Variants in AQP1 observed in about 807,000 individuals in gnomAD.
AQP1 encodes the protein aquaporin 1 (Colton blood group), also known as aquaporin-1.
Under a neutral mutation model 19.7 loss-of-function variants are expected in AQP1, and 11 were observed. The ratio of observed to expected loss-of-function variants is 0.56; its 90% CI spans 0.35 to 0.92. The LOEUF (loss-of-function observed/expected upper bound fraction) is 0.92, where lower values mean the gene tolerates loss of function less well. Among genes scored for constraint, AQP1 ranks in the 40% least tolerant of loss-of-function variants. The pLI is 0.01. For synonymous variants in AQP1, 159 were observed against 166.7 expected (o/e 0.95, Z 0.36); for missense variants, 320 against 369.7 (o/e 0.87, Z 1.10).
At chr7:30,919,066 G>A (rs967474985) in intron 1 of AQP1, among the ~76,000 whole-genome samples, 5 of 152,158 alleles carry the variant, frequency 3.3e-5, no homozygotes, top group African/African-American at 2.4e-5. Flanking sequence ...CCCTGGGTCC[G>A]GAGAGCATCT....
intron 1 of AQP1, chr7:30,921,215 G>T: frequency 9.5e-7 from 1 of 1,057,164 alleles, no homozygotes; most frequent in Non-Finnish European, 1.2e-6. Flanking sequence ...CCTGGGGAGG[G>T]GTCCTCCGGG....
Position 30,912,017 on chromosome 7 carries a change from A to G in AQP1, c.108A>G (p.Lys36=), listed in dbSNP as rs1791177703. Residue 36 remains lysine, a synonymous_variant, in exon 1 of 4, where the codon AAA becomes AAG. Transcript: ENST00000311813. This position sits in a 1 kb window ranked among gnomAD's most constrained non-coding sequence, Gnocchi z 4.3. ...FISIGSALGF[K]YPVGNNQTAV... ...GCATCGGTTCTGCCCTGGGCTTCAA[A>G]TACCCGGTGGGGAACAACCAGACGG... is the stretch of plus-strand genomic sequence containing the variant. The G allele has an allele frequency of 1.9e-6, 3 of 1,613,448 alleles. No homozygotes were observed. The highest frequency in any genetic ancestry group is 1.3e-5 in the African/African-American group (1 of 74,934).
chr7:30,922,191 T>A lies in AQP1; in HGVS notation c.510T>A (p.Leu170=). 6.2e-6 allele frequency: 10 copies of A among 1,610,134 alleles called. No homozygotes were observed. The highest frequency in any genetic ancestry group is 7.6e-6 in the Non-Finnish European group (9 of 1,179,206). ...GTGACCTTGGTGGCTCAGCCCCCCT[T>A]GCCATCGGCCTCTCTGTAGCCCTTG... ...RRRDLGGSAP[L]AIGLSVALGH... The change falls in exon 2 of 4, where the codon CTT becomes CTA. Residue 170 remains leucine, a synonymous_variant. Transcript: ENST00000311813.
intron 1 of AQP1, 36 bp from the exon 2 acceptor site, chr7:30,922,030 C>G: frequency 6.2e-7 from 1 of 1,612,396 alleles, no homozygotes; most frequent in Non-Finnish European, 8.5e-7. Context: ...CCTGCCTACC[C>G]TCCTCACCAG....
Position 30,923,539 on chromosome 7 carries a change from C to T in AQP1, c.720C>T (p.Asp240=), listed in dbSNP as rs931917879. 1 of 1,614,168 alleles carries T rather than the reference C, an allele frequency of 6.2e-7. No individual in the cohort carries two copies. The highest frequency in any genetic ancestry group is 1.3e-5 in the African/African-American group (1 of 75,052). ...ILAPRSSDLT[D]RVKVWTSGQV... ...CCCCACGCAGCAGTGACCTCACAGACCGCGTGAAGGTGTGGACCAGCGGCC... is the reference window on the plus strand; with the variant it reads ...CCCCACGCAGCAGTGACCTCACAGATCGCGTGAAGGTGTGGACCAGCGGCC... The change falls in exon 4 of 4, where the codon GAC becomes GAT. Residue 240 remains aspartate, a synonymous_variant. Coordinates refer to ENST00000311813, the MANE Select transcript of AQP1 (RefSeq NM_198098.4). The surrounding 1 kb of genome is among the most constrained non-coding windows in gnomAD (Gnocchi z 4.8).
chr7:30,917,202 G>A (rs1584383801), intron 1 of AQP1, among the ~76,000 whole-genome samples: 2 of 152,308 alleles, frequency 1.3e-5, no homozygotes, highest in East Asian at 1.9e-4. Context: ...GTACACACAT[G>A]GCACAAACAC....
rs149637560 is a variant in AQP1 at position 30,923,561 on chromosome 7, G to A, written c.742G>A (p.Gly248Ser). The change falls in exon 4 of 4, where the codon GGC (glycine) becomes AGC (serine). Residue 248 changes from glycine to serine, a missense_variant. Gly to Ser is a moderately conservative substitution (Grantham distance 56). Coordinates refer to ENST00000311813, the MANE Select transcript of AQP1 (RefSeq NM_198098.4). This position sits in a 1 kb window ranked among gnomAD's most constrained non-coding sequence, Gnocchi z 4.8. ...AGACCGCGTGAAGGTGTGGACCAGC[G>A]GCCAGGTGGAGGAGTATGACCTGGA... ...LTDRVKVWTS[G>S]QVEEYDLDAD... is the part of the protein sequence containing the mutation. 1.1e-4 allele frequency: 176 copies of A among 1,613,990 alleles called. No homozygotes were observed. Among genetic ancestry groups the A allele is most frequent in the Non-Finnish European group, 1.4e-4 (163 of 1,180,026 alleles).
intron 1 of AQP1, among the ~76,000 whole-genome samples, chr7:30,918,049 C>T (rs1015643701): frequency 4.0e-5 from 6 of 151,110 alleles, no homozygotes; most frequent in African/African-American, 1.5e-4. Context: ...GGCTGGAGTG[C>T]AGTGGCACCA....
chr7:30,918,632 C>T (rs1019059156), intron 1 of AQP1, among the ~76,000 whole-genome samples: 1 of 152,216 alleles, frequency 6.6e-6, no homozygotes, highest in Non-Finnish European at 1.5e-5. Context: ...GGAGCCTGCT[C>T]TTCCCCAAGG....
intron 1 of AQP1, among the ~76,000 whole-genome samples, chr7:30,916,031 C>T (rs1164448573): frequency 6.6e-6 from 1 of 152,164 alleles, no homozygotes; most frequent in South Asian, 2.1e-4. Context: ...AGATGGGGAG[C>T]TTTGTGGTGG....
intron 1 of AQP1, among the ~76,000 whole-genome samples, chr7:30,914,658 G>A (rs896170684): frequency 6.6e-6 from 1 of 152,238 alleles, no homozygotes; most frequent in African/African-American, 2.4e-5. Flanking sequence ...AACAGTCTGG[G>A]CAGCAGGTGA....
chr7:30,922,048 CA>C lies in AQP1; in HGVS notation c.385-17del, dbSNP rs1408515037. ...GCCTACCCTCCTCACCAGTCCTCAC[CA>C]CCTCTCTCCCCTGCAGCTGGCTGAT... On this transcript the variant is annotated splice_polypyrimidine_tract_variant and intron_variant, in intron 1 of 3. Transcript: ENST00000311813. 1 of 1,613,426 alleles carries C rather than the reference CA, an allele frequency of 6.2e-7. No individual in the cohort carries two copies. The highest frequency in any genetic ancestry group is 1.3e-5 in the African/African-American group (1 of 74,940).
At chr7:30,917,624 C>T (rs1459712893) in intron 1 of AQP1, among the ~76,000 whole-genome samples, 1 of 152,160 alleles carries the variant, frequency 6.6e-6, no homozygotes, top group East Asian at 1.9e-4. Context: ...AGCACAGCCT[C>T]CAGGACCTCA....
Position 30,923,792 on chromosome 7 carries a change from A to T in AQP1, c.*163A>T. Reference sequence around the variant, plus strand: ...TCAAGCCTCTTATGGGGGTGTTTCTATCTCTTTCTTTCTCTTTCTGTTTCC... The same window carrying T: ...TCAAGCCTCTTATGGGGGTGTTTCTTTCTCTTTCTTTCTCTTTCTGTTTCC... On this transcript the variant is annotated 3_prime_UTR_variant, in exon 4 of 4. Coordinates refer to ENST00000311813, the MANE Select transcript of AQP1 (RefSeq NM_198098.4). The surrounding 1 kb of genome is among the most constrained non-coding windows in gnomAD (Gnocchi z 4.8). 6.6e-7 allele frequency: 1 copy of T among 1,516,286 alleles called. No homozygotes were observed. Among genetic ancestry groups the T allele is most frequent in the South Asian group, 1.2e-5 (1 of 80,546 alleles). The allele number at this position is 1,516,286 out of a possible 1,614,324, so 93.9% of individuals were successfully genotyped here.
At chr7:30,922,015 C>A in intron 1 of AQP1, 51 bp from the exon 2 acceptor site, 1 of 1,609,814 alleles carries the variant, frequency 6.2e-7, no homozygotes, top group Non-Finnish European at 8.5e-7. Context: ...TCCTGGGACA[C>A]AGTCCCTGCC....
intron 1 of AQP1, among the ~76,000 whole-genome samples, chr7:30,917,678 G>A (rs1032402122): frequency 1.3e-5 from 2 of 152,144 alleles, no homozygotes; most frequent in Non-Finnish European, 2.9e-5. Context: ...TCCCAGGGAG[G>A]CCGAGGCACT....
intron 1 of AQP1, among the ~76,000 whole-genome samples, chr7:30,918,454 C>T (rs1271851804): frequency 6.6e-6 from 1 of 152,208 alleles, no homozygotes; most frequent in African/African-American, 2.4e-5. Flanking sequence ...CCAGGAATCC[C>T]CCCATGTCCA....
chr7:30,923,798 TTCTTTC>T lies in AQP1; in HGVS notation c.*177_*182del, dbSNP rs1791599518. 1 of 1,515,618 alleles carries T rather than the reference TTCTTTC, an allele frequency of 6.6e-7. No individual in the cohort carries two copies. The allele number at this position is 1,515,618 out of a possible 1,614,324, so 93.9% of individuals were successfully genotyped here. ...CTCTTATGGGGGTGTTTCTATCTCT[TTCTTTC>T]TCTTTCTGTTTCCTGGCCTCAGAGC... On this transcript the variant is annotated 3_prime_UTR_variant, in exon 4 of 4. Transcript: ENST00000311813. This position sits in a 1 kb window ranked among gnomAD's most constrained non-coding sequence, Gnocchi z 4.8.
Position 30,923,517 on chromosome 7 carries a change from C to A in AQP1, c.698C>A (p.Pro233Gln). ...AVLIYDFILA[P>Q]RSSDLTDRVK... Reference sequence around the variant, plus strand: ...CTCATCTACGACTTCATCCTGGCCCCACGCAGCAGTGACCTCACAGACCGC... The same window carrying A: ...CTCATCTACGACTTCATCCTGGCCCAACGCAGCAGTGACCTCACAGACCGC... The change falls in exon 4 of 4, where the codon CCA (proline) becomes CAA (glutamine). Residue 233 changes from proline to glutamine, a missense_variant. By Grantham distance (76) the Pro-to-Gln change is moderately conservative. Coordinates refer to ENST00000311813, the MANE Select transcript of AQP1 (RefSeq NM_198098.4). The surrounding 1 kb of genome is among the most constrained non-coding windows in gnomAD (Gnocchi z 4.8). 6.2e-7 allele frequency: 1 copy of A among 1,614,142 alleles called. No individual in the cohort carries two copies. The highest frequency in any genetic ancestry group is 1.1e-5 in the South Asian group (1 of 91,086).
Sources: allele counts gnomAD v4.1 joint callset (sites outside exome capture counted in the v4.1 genomes callset), GRCh38; gene constraint gnomAD v4.1.1; non-coding constraint Gnocchi (gnomAD v3.1); transcripts MANE v1.5; gene names NCBI Gene and HGNC (gene_info 2026-07-23, HGNC 2026-07-21).